Variants in LRRC4C observed in about 807,000 individuals in gnomAD.
The protein encoded by LRRC4C is leucine-rich repeat-containing protein 4C.
In LRRC4C, 5 loss-of-function variants were observed where a neutral mutation model predicts 33.6. That is an observed-to-expected ratio of 0.15 (90% confidence interval 0.08 to 0.31). The LOEUF is 0.31. Among genes scored for constraint, LRRC4C ranks in the 10% least tolerant of loss-of-function variants. The pLI is 1.00. For missense variants in LRRC4C, 560 were observed against 796.7 expected, an observed-to-expected ratio of 0.70 and a Z score of 3.58; for synonymous variants, 329 against 302.0, an observed-to-expected ratio of 1.09 and a Z score of -0.93.
At chr11:40,262,665 G>A (rs1292761510) in intron 4 of LRRC4C, among the ~76,000 whole-genome samples, 1 of 152,168 alleles carries the variant, frequency 6.6e-6, no homozygotes, top group African/African-American at 2.4e-5. Context: ...AAAAGGATGA[G>A]TTCATGTCCT....
At chr11:41,172,311 G>A (rs560056378) in intron 1 of LRRC4C, among the ~76,000 whole-genome samples, 1 of 151,142 alleles carries the variant, frequency 6.6e-6, no homozygotes, top group East Asian at 1.9e-4. Context: ...GCCCTTAGAA[G>A]CCCATAAAAT....
At chr11:40,291,381 C>T (rs1490015688) in intron 4 of LRRC4C, among the ~76,000 whole-genome samples, 1 of 152,154 alleles carries the variant, frequency 6.6e-6, no homozygotes, top group Non-Finnish European at 1.5e-5. Flanking sequence ...TTCTAAGTTA[C>T]CACAGGACAC....
intron 1 of LRRC4C, among the ~76,000 whole-genome samples, chr11:41,427,475 T>TA (rs1335871113): frequency 6.6e-6 from 1 of 152,144 alleles, no homozygotes; most frequent in African/African-American, 2.4e-5. Flanking sequence ...TGTTATGTAA[T>TA]AGAGCATGAC....
intron 1 of LRRC4C, among the ~76,000 whole-genome samples, chr11:41,396,629 AG>A (rs1204567375): frequency 6.6e-6 from 1 of 152,000 alleles, no homozygotes; most frequent in Non-Finnish European, 1.5e-5. Flanking sequence ...TTTTAAATTC[AG>A]GGGTAAATGT....
intron 2 of LRRC4C, among the ~76,000 whole-genome samples, chr11:40,648,608 G>T (rs1942602528): frequency 6.6e-6 from 1 of 152,138 alleles, no homozygotes; most frequent in Non-Finnish European, 1.5e-5. Flanking sequence ...AGGTAAGAAG[G>T]TGGAAAGGAA....
intron 2 of LRRC4C, among the ~76,000 whole-genome samples, chr11:40,827,383 T>G (rs890661994): frequency 3.3e-5 from 5 of 151,868 alleles, no homozygotes; most frequent in African/African-American, 4.8e-5. Flanking sequence ...TATACACATT[T>G]GTGAAAATCA....
chr11:41,340,243 T>G (rs1168310757), intron 1 of LRRC4C, among the ~76,000 whole-genome samples: 1 of 152,148 alleles, frequency 6.6e-6, no homozygotes, highest in Non-Finnish European at 1.5e-5. Flanking sequence ...TTTTGTGTGG[T>G]TTTTCTTTTA....
chr11:40,433,586 T>C (rs1345576512), intron 3 of LRRC4C, among the ~76,000 whole-genome samples: 5 of 152,140 alleles, frequency 3.3e-5, no homozygotes, highest in African/African-American at 1.2e-4. Flanking sequence ...TGAAGATGAA[T>C]TCAGAGTGAC....
intron 5 of LRRC4C, among the ~76,000 whole-genome samples, chr11:40,141,484 A>G (rs1857364688): frequency 6.6e-6 from 1 of 152,212 alleles, no homozygotes; most frequent in South Asian, 2.1e-4. Context: ...ACATTTTACA[A>G]AGTATAATGA....
Position 40,747,468 on chromosome 11 carries a change from T to C in LRRC4C, c.-406-99190A>G, listed in dbSNP as rs574571860. On this transcript the variant is annotated intron_variant, in intron 2 of 6. Transcript: ENST00000528697. ...AAGCAACTATTACACCAGATGTATA[T>C]ATATAAACATAAAGACACCTCAAAC... Among the ~76,000 whole-genome samples, 13 of 152,160 alleles carry C rather than the reference T, an allele frequency of 8.5e-5. No individual in the cohort carries two copies. In the South Asian group the frequency reaches 1.9e-3, roughly 22 times the overall value.
intron 1 of LRRC4C, among the ~76,000 whole-genome samples, chr11:40,980,569 C>CA (rs979037515): frequency 1.1e-4 from 16 of 149,300 alleles, no homozygotes; most frequent in South Asian, 1.1e-3. Context: ...CAAGTAAAGA[C>CA]AAAAAAAAAG....
intron 3 of LRRC4C, among the ~76,000 whole-genome samples, chr11:40,491,827 T>C (rs1191332346): frequency 2.0e-5 from 3 of 152,156 alleles, no homozygotes; most frequent in Non-Finnish European, 4.4e-5. Context: ...TCTCATCACG[T>C]TCACAGTCCC....
chr11:41,363,105 T>C (rs1432579110), intron 1 of LRRC4C, among the ~76,000 whole-genome samples: 1 of 152,198 alleles, frequency 6.6e-6, no homozygotes, highest in Non-Finnish European at 1.5e-5. Context: ...CTCTGCATGG[T>C]AGCCAACTTG....
chr11:40,342,353 C>G (rs1382067747), intron 3 of LRRC4C, among the ~76,000 whole-genome samples: 2 of 152,104 alleles, frequency 1.3e-5, no homozygotes, highest in Non-Finnish European at 2.9e-5. Context: ...CCTCTAGTCC[C>G]AGCTACTCAG....
At chr11:40,439,791 A>G (rs1279444327) in intron 3 of LRRC4C, among the ~76,000 whole-genome samples, 1 of 152,156 alleles carries the variant, frequency 6.6e-6, no homozygotes. Flanking sequence ...AGTTACTACT[A>G]CTAACATTTA....
intron 3 of LRRC4C, among the ~76,000 whole-genome samples, chr11:40,540,396 C>G (rs1034577175): frequency 6.6e-6 from 1 of 152,132 alleles, no homozygotes; most frequent in African/African-American, 2.4e-5. Context: ...GCCAACCTCA[C>G]CTCTGGTTTT....
chr11:41,206,741 C>T (rs1946617146), intron 1 of LRRC4C, among the ~76,000 whole-genome samples: 1 of 152,128 alleles, frequency 6.6e-6, no homozygotes, highest in Admixed American at 6.5e-5. Context: ...GTTTTTCCAT[C>T]TTCTTTAACT....
chr11:40,414,824 G>A (rs929249903), intron 3 of LRRC4C, among the ~76,000 whole-genome samples: 9 of 151,968 alleles, frequency 5.9e-5, no homozygotes, highest in Admixed American at 1.3e-4. Flanking sequence ...TCTTCTCTCC[G>A]AAGGGATGGA....
intron 3 of LRRC4C, among the ~76,000 whole-genome samples, chr11:40,362,826 C>T (rs1413260082): frequency 3.3e-5 from 5 of 152,188 alleles, no homozygotes; most frequent in Non-Finnish European, 7.3e-5. Flanking sequence ...CTCAACATCA[C>T]TGATCATTAG....
Sources: gnomAD v4.1 joint callset for allele counts (sites outside exome capture counted in the v4.1 genomes callset) on GRCh38, gnomAD v4.1.1 for gene constraint, MANE v1.5 for transcripts, NCBI Gene and HGNC (gene_info 2026-07-23, HGNC 2026-07-21) for gene names.